IMMP2L: variants seen among roughly 807,000 people sequenced by gnomAD.
The protein encoded by IMMP2L is inner mitochondrial membrane peptidase subunit 2, also known as mitochondrial inner membrane protease subunit 2.
IMMP2L carries 18 observed loss-of-function variants against 19.3 expected under a neutral mutation model. The ratio of observed to expected loss-of-function variants is 0.93; its 90% CI spans 0.64 to 1.38. The LOEUF is 1.38. Among genes scored for constraint, IMMP2L ranks in the 40% most tolerant of loss-of-function variants. The pLI is 0.00. For missense variants in IMMP2L, 233 were observed against 218.2 expected, an observed-to-expected ratio of 1.07 and a Z score of -0.43; for synonymous variants, 76 against 73.0, an observed-to-expected ratio of 1.04 and a Z score of -0.21.
intron 3 of IMMP2L, among the ~76,000 whole-genome samples, chr7:111,185,897 A>T (rs967636161): frequency 2.0e-5 from 3 of 152,138 alleles, no homozygotes; most frequent in Admixed American, 6.5e-5. Flanking sequence ...CAGAAATCTG[A>T]TTTATTTTCA....
At chr7:110,961,642 C>T (rs1051734232) in intron 4 of IMMP2L, among the ~76,000 whole-genome samples, 1 of 151,550 alleles carries the variant, frequency 6.6e-6, no homozygotes, top group African/African-American at 2.4e-5. Context: ...CTCATAATAT[C>T]CCCACACTGG....
At chr7:111,385,118 G>T in intron 3 of IMMP2L, among the ~76,000 whole-genome samples, 1 of 152,100 alleles carries the variant, frequency 6.6e-6, no homozygotes. Context: ...TAAATAAAAT[G>T]TATATGTCAA....
intron 3 of IMMP2L, among the ~76,000 whole-genome samples, chr7:111,339,428 A>T (rs562831378): frequency 6.6e-6 from 1 of 152,132 alleles, no homozygotes; most frequent in South Asian, 2.1e-4. Flanking sequence ...GTTGTTCTTT[A>T]TTAATATACA....
intron 3 of IMMP2L, among the ~76,000 whole-genome samples, chr7:111,029,722 G>A (rs1827208847): frequency 2.0e-5 from 3 of 152,200 alleles, no homozygotes; most frequent in Admixed American, 2.0e-4. Context: ...AGGTATTTGG[G>A]TATTTCAATG....
At position 110,964,797 on chromosome 7, in the gene IMMP2L, T is replaced by C. The variant is rs115851382; in HGVS notation, c.240-1232A>G. Among the ~76,000 whole-genome samples the C allele has an allele frequency of 4.3e-3, 652 of 152,088 alleles. 4 individuals are homozygous for C. The highest frequency in any genetic ancestry group is 0.015 in the African/African-American group (628 of 41,536). On this transcript the variant is annotated intron_variant, in intron 3 of 5. Coordinates refer to ENST00000405709, the MANE Select transcript of IMMP2L (RefSeq NM_032549.4). ...CTCCTTCCTTCCTCTTTCTATTTTTTCCTCCAACATCTCTTTCATGGATCA... is the reference window on the plus strand; with the variant it reads ...CTCCTTCCTTCCTCTTTCTATTTTTCCCTCCAACATCTCTTTCATGGATCA...
intron 5 of IMMP2L, among the ~76,000 whole-genome samples, chr7:110,746,148 A>G (rs934567559): frequency 4.6e-5 from 7 of 152,204 alleles, no homozygotes; most frequent in African/African-American, 1.4e-4. Context: ...AAAGATCAAA[A>G]CAGACAAAGA....
At chr7:111,360,805 G>A (rs10236659) in intron 3 of IMMP2L, among the ~76,000 whole-genome samples, 3,753 of 152,076 alleles carry the variant, frequency 0.025, 180 homozygotes, top group African/African-American at 0.085. Context: ...GCGACAGAGC[G>A]ATACCTTGTT....
chr7:110,764,976 G>A lies in IMMP2L; in HGVS notation c.409-101255C>T, dbSNP rs187252032. 4.9e-4 allele frequency among the ~76,000 whole-genome samples: 74 copies of A among 152,150 alleles called. 1 individual carries two copies. In the East Asian group the frequency reaches 7.0e-3, roughly 14 times the overall value. On this transcript the variant is annotated intron_variant, in intron 5 of 5. Transcript: ENST00000405709. ...GGGAAGAGCTACTGGAAACTATACC[G>A]ATCCAGTAACAGGCTTGAACTTGAA...
chr7:111,413,183 A>G (rs1431875995), intron 3 of IMMP2L, among the ~76,000 whole-genome samples: 2 of 152,152 alleles, frequency 1.3e-5, no homozygotes, highest in Non-Finnish European at 2.9e-5. Flanking sequence ...GAATCAAAAT[A>G]AACCCCTCAT....
chr7:110,810,310 C>T (rs1801948741), intron 5 of IMMP2L, among the ~76,000 whole-genome samples: 1 of 152,038 alleles, frequency 6.6e-6, no homozygotes, highest in African/African-American at 2.4e-5. Context: ...AGACTCTTAA[C>T]ATTTCAAATT....
intron 3 of IMMP2L, among the ~76,000 whole-genome samples, chr7:111,475,408 C>T (rs1841630687): frequency 6.6e-6 from 1 of 151,896 alleles, no homozygotes; most frequent in African/African-American, 2.4e-5. Flanking sequence ...CAAAACAGTG[C>T]CTTTTTTTTT....
chr7:111,239,454 GCACGAATTATAAA>G (rs926263835), intron 3 of IMMP2L, among the ~76,000 whole-genome samples: 12 of 151,766 alleles, frequency 7.9e-5, no homozygotes, highest in African/African-American at 2.9e-4. Flanking sequence ...GATAAAATGT[GCACGAATTATAAA>G]CACCTCCTTG....
At chr7:111,427,661 C>G (rs1316626282) in intron 3 of IMMP2L, among the ~76,000 whole-genome samples, 1 of 151,766 alleles carries the variant, frequency 6.6e-6, no homozygotes, top group African/African-American at 2.4e-5. Flanking sequence ...CAGTGTGAAT[C>G]TGGGAACAAC....
In IMMP2L at chr7:111,496,953, G is replaced by A. The variant is rs558293850; in HGVS notation, c.136-9612C>T. ...AGACAGACAGATAAATATCCTATTC[G>A]TTCTGTCTCTCCGGTGAGATCTAAT... On this transcript the variant is annotated intron_variant, in intron 2 of 5. Transcript: ENST00000405709. 7.2e-5 allele frequency among the ~76,000 whole-genome samples: 11 copies of A among 152,108 alleles called. No individual in the cohort carries two copies. In the East Asian group the frequency reaches 9.7e-4, roughly 13 times the overall value.
intron 3 of IMMP2L, among the ~76,000 whole-genome samples, chr7:111,057,660 T>C (rs1793638157): frequency 6.6e-6 from 1 of 152,204 alleles, no homozygotes; most frequent in Non-Finnish European, 1.5e-5. Context: ...CTCTCAAATC[T>C]AATAAATATA....
At chr7:111,216,583 A>C (rs1811947462) in intron 3 of IMMP2L, among the ~76,000 whole-genome samples, 1 of 152,066 alleles carries the variant, frequency 6.6e-6, no homozygotes, top group Non-Finnish European at 1.5e-5. Flanking sequence ...AATGTACAGT[A>C]CTCTATTATT....
chr7:110,966,205 G>T (rs191474028), intron 3 of IMMP2L, among the ~76,000 whole-genome samples: 1 of 152,118 alleles, frequency 6.6e-6, no homozygotes, highest in East Asian at 1.9e-4. Context: ...ATCTGTAATA[G>T]CAGAGAGAGA....
intron 5 of IMMP2L, among the ~76,000 whole-genome samples, chr7:110,826,312 T>C (rs1803482703): frequency 6.6e-6 from 1 of 152,208 alleles, no homozygotes; most frequent in South Asian, 2.1e-4. Flanking sequence ...AGAAATACCA[T>C]TTGACCCAGC....
chr7:111,549,628 T>G (rs1269368621), intron 1 of IMMP2L, among the ~76,000 whole-genome samples: 1 of 152,138 alleles, frequency 6.6e-6, no homozygotes, highest in Non-Finnish European at 1.5e-5. Flanking sequence ...CTACAGGATG[T>G]CTCTTAAACA....
Sources: gnomAD v4.1 joint callset for allele counts (sites outside exome capture counted in the v4.1 genomes callset) on GRCh38, gnomAD v4.1.1 for gene constraint, MANE v1.5 for transcripts, NCBI Gene and HGNC (gene_info 2026-07-23, HGNC 2026-07-21) for gene names.